Variants in SUMF1 observed in about 807,000 individuals in gnomAD.
The protein encoded by SUMF1 is sulfatase modifying factor 1, also known as formylglycine-generating enzyme.
In SUMF1, 48 loss-of-function variants were observed where a neutral mutation model predicts 47.6. That is an observed-to-expected ratio of 1.01 (90% CI 0.80 to 1.28). The LOEUF (loss-of-function observed/expected upper bound fraction) is 1.28. Among genes scored for constraint, SUMF1 ranks in the 50% most tolerant of loss-of-function variants. The probability of loss-of-function intolerance (pLI) is 0.00; values close to 1 mark genes in which losing one functional copy is unlikely to be tolerated. For synonymous variants in SUMF1, 230 were observed against 192.1 expected (o/e 1.20, Z -1.63); for missense variants, 571 against 485.4 (o/e 1.18, Z -1.66).
chr3:4,250,817 A>G (rs901393944), intron 8 of SUMF1, among the ~76,000 whole-genome samples: 1 of 152,178 alleles, frequency 6.6e-6, no homozygotes, highest in Non-Finnish European at 1.5e-5. Context: ...CCCACTGTTG[A>G]GACTTGCTAA....
At chr3:4,367,100 G>T (rs551749757) in intron 8 of SUMF1, among the ~76,000 whole-genome samples, 48 of 152,008 alleles carry the variant, frequency 3.2e-4, no homozygotes, top group African/African-American at 8.2e-4. Flanking sequence ...AGGAGTACCC[G>T]GCCGTGTGAG....
chr3:4,244,794 G>C (rs989019082), intron 8 of SUMF1, among the ~76,000 whole-genome samples: 6 of 152,082 alleles, frequency 3.9e-5, no homozygotes, highest in Admixed American at 6.5e-5. Flanking sequence ...ATGTTGGCCT[G>C]CCTTGCTAGG....
At chr3:4,359,889 G>A (rs546270767), downstream of SUMF1, among the ~76,000 whole-genome samples, 7 of 152,158 alleles carry the variant, frequency 4.6e-5, no homozygotes, top group East Asian at 1.9e-4. Flanking sequence ...CGATCCTCTC[G>A]CCTCGACTTC....
chr3:4,137,908 T>C (rs1693979831), intron 8 of SUMF1, among the ~76,000 whole-genome samples: 1 of 125,428 alleles, frequency 8.0e-6, no homozygotes, highest in African/African-American at 2.7e-5. Flanking sequence ...TAGTAAACAC[T>C]AATAATACAC....
At chr3:4,412,811 C>T (rs560726670) in intron 6 of SUMF1, among the ~76,000 whole-genome samples, 39 of 152,178 alleles carry the variant, frequency 2.6e-4, no homozygotes, top group Non-Finnish European at 3.8e-4. Context: ...AATTGCTAAA[C>T]CCAGGAGGCA....
chr3:4,165,348 C>T (rs1228191698), intron 8 of SUMF1, among the ~76,000 whole-genome samples: 1 of 152,034 alleles, frequency 6.6e-6, no homozygotes, highest in Non-Finnish European at 1.5e-5. Flanking sequence ...AAATTCCCTT[C>T]CCCTTACAGC....
intron 8 of SUMF1, among the ~76,000 whole-genome samples, chr3:4,312,658 C>A (rs1340247451): frequency 5.5e-5 from 8 of 146,234 alleles, no homozygotes; most frequent in African/African-American, 7.7e-5. Context: ...ACTGTGATCA[C>A]AGCACTGCAC....
chr3:4,376,520 T>C, intron 7 of SUMF1, 131 bp from the exon 8 acceptor site: 1 of 914,894 alleles, frequency 1.1e-6, no homozygotes. Context: ...TTTCCACCCC[T>C]AGGCTTTGTA....
At chr3:4,150,547 C>T (rs1348254805) in intron 8 of SUMF1, among the ~76,000 whole-genome samples, 1 of 81,770 alleles carries the variant, frequency 1.2e-5, no homozygotes, top group South Asian at 3.0e-4. Context: ...GAGACTCCGT[C>T]TCAAAAAAAA....
At chr3:4,278,029 C>T (rs1697454182) in intron 8 of SUMF1, among the ~76,000 whole-genome samples, 1 of 151,990 alleles carries the variant, frequency 6.6e-6, no homozygotes, top group African/African-American at 2.4e-5. Flanking sequence ...TCTTTTTTCG[C>T]TACAACACAA....
chr3:4,422,353 G>A (rs1275891133), intron 3 of SUMF1, among the ~76,000 whole-genome samples: 2 of 152,110 alleles, frequency 1.3e-5, no homozygotes, highest in African/African-American at 4.8e-5. Flanking sequence ...ACCACCACCA[G>A]AAGGTTCTAG....
chr3:4,192,259 A>G lies in SUMF1; in HGVS notation c.1015-123514T>C, dbSNP rs968166690. Among the ~76,000 whole-genome samples the G allele has an allele frequency of 5.9e-5, 9 of 152,176 alleles. No individual in the cohort carries two copies. The East Asian group carries it at 1.5e-3, about 26-fold the overall frequency. On this transcript the variant is annotated intron_variant and NMD_transcript_variant, in intron 8 of 12. Coordinates refer to the SUMF1 transcript ENST00000448413. ...TGAAGATGATAAGAGCATTAAATGTAAGGTTTAAAGTCCTAAACTTCCAGT... is the reference window on the plus strand; with the variant it reads ...TGAAGATGATAAGAGCATTAAATGTGAGGTTTAAAGTCCTAAACTTCCAGT...
intron 8 of SUMF1, among the ~76,000 whole-genome samples, chr3:4,175,096 T>G (rs577709059): frequency 1.3e-5 from 2 of 152,206 alleles, no homozygotes; most frequent in Non-Finnish European, 2.9e-5. Context: ...TCCACCTCTC[T>G]GGGCAGGGCA....
rs561526624 is a variant in SUMF1 at position 4,168,899 on chromosome 3, C to A, written c.1015-100154G>T. Among the ~76,000 whole-genome samples the A allele has an allele frequency of 3.0e-4, 45 of 152,298 alleles. 1 individual carries two copies. Among genetic ancestry groups the A allele is most frequent in the African/African-American group, 1.1e-3 (44 of 41,560 alleles). On this transcript the variant is annotated intron_variant and NMD_transcript_variant, in intron 8 of 12. Transcript: ENST00000448413. ...ATTTCCATCTAAACTCTGGACATTTCTTCCACTAATTGAGCACATGCTATA... is the reference window on the plus strand; with the variant it reads ...ATTTCCATCTAAACTCTGGACATTTATTCCACTAATTGAGCACATGCTATA...
At chr3:4,153,817 G>T (rs1297412600) in intron 8 of SUMF1, among the ~76,000 whole-genome samples, 1 of 151,384 alleles carries the variant, frequency 6.6e-6, no homozygotes, top group Non-Finnish European at 1.5e-5. Context: ...ATTGCTTTTA[G>T]AATAATTTAA....
At chr3:4,206,192 C>T (rs1019238001) in intron 8 of SUMF1, among the ~76,000 whole-genome samples, 1 of 151,500 alleles carries the variant, frequency 6.6e-6, no homozygotes, top group Admixed American at 6.6e-5. Flanking sequence ...GAAGAAGTCT[C>T]TCCAGGAGCT....
chr3:4,431,909 G>A (rs543197420), intron 3 of SUMF1, among the ~76,000 whole-genome samples: 1 of 152,160 alleles, frequency 6.6e-6, no homozygotes, highest in South Asian at 2.1e-4. Context: ...ATGAATAGAT[G>A]GTCCCACAGT....
At chr3:4,211,195 C>CAT (rs1244951771) in intron 8 of SUMF1, among the ~76,000 whole-genome samples, 29 of 57,546 alleles carry the variant, frequency 5.0e-4, no homozygotes, top group Admixed American at 8.4e-4. Context: ...TATACATATA[C>CAT]ATACATACAT....
intron 9 of SUMF1, among the ~76,000 whole-genome samples, chr3:4,045,724 G>A (rs1415136022): frequency 6.6e-6 from 1 of 152,028 alleles, no homozygotes; most frequent in Non-Finnish European, 1.5e-5. Context: ...TTACAGTTTG[G>A]AAGACTGAGA....
Sources: gnomAD v4.1 joint callset for allele counts (sites outside exome capture counted in the v4.1 genomes callset) on GRCh38, gnomAD v4.1.1 for gene constraint, MANE v1.5 for transcripts, NCBI Gene and HGNC (gene_info 2026-07-23, HGNC 2026-07-21) for gene names.